Variants in CHST9 observed in about 807,000 individuals in gnomAD.
The protein encoded by CHST9 is carbohydrate sulfotransferase 9.
A neutral mutation model predicts 44.4 loss-of-function variants in CHST9; 41 were observed. The ratio of observed to expected loss-of-function variants is 0.92; its 90% CI spans 0.72 to 1.20. The LOEUF is 1.20. Among genes scored for constraint, CHST9 ranks in the 50% most tolerant of loss-of-function variants. The pLI is 0.00. For synonymous variants in CHST9, 171 were observed against 178.4 expected (o/e 0.96, Z 0.33); for missense variants, 504 against 516.5 (o/e 0.98, Z 0.23).
At chr18:27,054,099 C>T (rs1032166135) in intron 2 of CHST9, among the ~76,000 whole-genome samples, 8 of 152,108 alleles carry the variant, frequency 5.3e-5, no homozygotes, top group African/African-American at 1.2e-4. Flanking sequence ...TGTCTAGCAC[C>T]GTGCCTTAAA....
intron 5 of CHST9, among the ~76,000 whole-genome samples, 162 bp from the exon 6 acceptor site, chr18:26,917,512 G>A (rs1204246185): frequency 6.6e-6 from 1 of 152,164 alleles, no homozygotes; most frequent in East Asian, 1.9e-4. Flanking sequence ...ACATTTTGTA[G>A]TGAGCTTCTT....
chr18:27,121,760 T>C (rs2058376407), intron 2 of CHST9, among the ~76,000 whole-genome samples: 2 of 152,188 alleles, frequency 1.3e-5, no homozygotes, highest in South Asian at 2.1e-4. Flanking sequence ...AAAACATTGT[T>C]GGCCCTCTGG....
rs141684462 is a variant in CHST9 at position 26,955,614 on chromosome 18, G to A, written c.203-11248C>T. 1.6e-4 allele frequency among the ~76,000 whole-genome samples: 24 copies of A among 152,290 alleles called. No individual in the cohort carries two copies. In the East Asian group the frequency reaches 4.5e-3, roughly 28 times the overall value. ...AGAACCCAAGACACAAGCTTGGGGT[G>A]TGTCTGGGGATGACAAGAGAGGCTG... On this transcript the variant is annotated intron_variant, in intron 4 of 5. Coordinates refer to ENST00000618847, the MANE Select transcript of CHST9 (RefSeq NM_031422.6).
chr18:27,099,513 A>C (rs550897501), intron 2 of CHST9, among the ~76,000 whole-genome samples: 1 of 152,186 alleles, frequency 6.6e-6, no homozygotes, highest in East Asian at 1.9e-4. Context: ...AGAACAAAAC[A>C]AACAAAAAAC....
At chr18:27,018,568 G>A (rs1461684888) in intron 4 of CHST9, among the ~76,000 whole-genome samples, 1 of 152,100 alleles carries the variant, frequency 6.6e-6, no homozygotes, top group Non-Finnish European at 1.5e-5. Flanking sequence ...GATAAGGCTG[G>A]CAAACAGTAC....
rs1337703606 is a variant in CHST9, at chr18:27,142,787, A to G, written c.23T>C (p.Met8Thr). 4.3e-6 allele frequency: 7 copies of G among 1,610,624 alleles called. No individual in the cohort carries two copies. The African/African-American group carries it at 8.0e-5, about 18-fold the overall frequency. Residue 8 changes from methionine (M) to threonine (T), a missense_variant, in exon 2 of 6, where the codon ATG becomes ACG. Physicochemically the swap from Met to Thr is moderately conservative, Grantham distance 81. Transcript: ENST00000618847. ...AGAGAGGAAGACTTGTTTGGGGTTC[A>G]TGACCATTTCAGATGGCTGCATTTC... MQPSEMV[M>T]NPKQVFLSVL...
intron 2 of CHST9, among the ~76,000 whole-genome samples, chr18:27,137,189 A>G (rs1471315339): frequency 1.3e-5 from 2 of 151,596 alleles, no homozygotes; most frequent in Non-Finnish European, 2.9e-5. Flanking sequence ...GGAGAGATTG[A>G]TTTATACATA....
chr18:27,008,618 G>A (rs1200060956), intron 4 of CHST9, among the ~76,000 whole-genome samples: 2 of 152,090 alleles, frequency 1.3e-5, no homozygotes, highest in Non-Finnish European at 2.9e-5. Flanking sequence ...ATCCTTAATT[G>A]GAAAAAGGAA....
At chr18:27,055,551 T>A (rs2057644951) in intron 2 of CHST9, among the ~76,000 whole-genome samples, 7 of 152,180 alleles carry the variant, frequency 4.6e-5, no homozygotes, top group Admixed American at 4.6e-4. Flanking sequence ...AGGTCACCAC[T>A]ATTGCCATGT....
At position 26,909,347 on chromosome 18, in the gene CHST9, T is replaced by C. The variant is rs2145028348; in HGVS notation, c.*6912A>G. The C allele has an allele frequency of 6.6e-6, 1 of 152,338 alleles. No individual in the cohort carries two copies. The highest frequency in any genetic ancestry group is 1.9e-4 in the East Asian group (1 of 5,188). The allele number at this position is 152,338 out of a possible 1,614,324, so 9.4% of individuals were successfully genotyped here. A position where few individuals can be genotyped will look rare whatever the true frequency, so the allele number is the denominator to read the frequency against. On this transcript the variant is annotated 3_prime_UTR_variant, in exon 6 of 6. Transcript: ENST00000618847. ...CACGAGAAGTACCCCAAGAGATTAT[T>C]AAAAAGGAAATTTTCAGGTGGTTTT...
chr18:27,164,987 G>C (rs898148054), intron 1 of CHST9, among the ~76,000 whole-genome samples: 1 of 152,144 alleles, frequency 6.6e-6, no homozygotes, highest in African/African-American at 2.4e-5. Context: ...ACAAGGCAAG[G>C]GAGTTAGATG....
chr18:27,134,880 A>T lies in CHST9; in HGVS notation c.121+7809T>A, dbSNP rs189975580. On this transcript the variant is annotated intron_variant, in intron 2 of 5. Transcript: ENST00000618847. ...ATCTAACTAGAAGTATACAAGAAAA[A>T]TGTAAAAAGTTTCTGAGTTCTGGGG... Among the ~76,000 whole-genome samples, 129 of 152,326 alleles carry T rather than the reference A, an allele frequency of 8.5e-4. 2 individuals carry two copies. The East Asian group carries it at 0.024, about 28-fold the overall frequency.
At chr18:26,926,887 A>C (rs1441309503) in intron 5 of CHST9, among the ~76,000 whole-genome samples, 1 of 152,240 alleles carries the variant, frequency 6.6e-6, no homozygotes, top group Non-Finnish European at 1.5e-5. Flanking sequence ...GAAGTAGAAT[A>C]AGTTGGTGTT....
Position 26,909,171 on chromosome 18 carries a change from C to A in CHST9, c.*7088G>T, listed in dbSNP as rs559009247. The A allele has an allele frequency of 3.9e-5, 6 of 152,344 alleles. No individual in the cohort carries two copies. The East Asian group carries it at 1.2e-3, about 29-fold the overall frequency. 9.4% of individuals were successfully genotyped at this position (152,344 alleles called of 1,614,324 possible). On this transcript the variant is annotated 3_prime_UTR_variant, in exon 6 of 6. Coordinates refer to ENST00000618847, the MANE Select transcript of CHST9 (RefSeq NM_031422.6). ...CGGACGCCAAGTTTCTGCTTCAGTG[C>A]TGGTCAAAATCCCACAGAGGACTTT...
chr18:27,114,960 A>C (rs895535105), intron 2 of CHST9, among the ~76,000 whole-genome samples: 2 of 152,122 alleles, frequency 1.3e-5, no homozygotes, highest in Non-Finnish European at 2.9e-5. Flanking sequence ...GATGGAGGTA[A>C]TTGAATCATG....
chr18:27,068,378 T>G (rs2057804451), intron 2 of CHST9, among the ~76,000 whole-genome samples: 1 of 152,194 alleles, frequency 6.6e-6, no homozygotes, highest in Non-Finnish European at 1.5e-5. Context: ...TCTTTTCATT[T>G]TCAGGTTCTT....
intron 1 of CHST9, among the ~76,000 whole-genome samples, chr18:27,169,063 A>G (rs914227803): frequency 7.9e-5 from 12 of 152,212 alleles, no homozygotes; most frequent in Admixed American, 3.3e-4. Context: ...CACAAGTTCA[A>G]GCTTGGAAGA....
chr18:27,110,295 A>AT (rs942361800), intron 2 of CHST9, among the ~76,000 whole-genome samples: 113 of 149,282 alleles, frequency 7.6e-4, no homozygotes, highest in South Asian at 1.7e-3. Context: ...GCATGTGATG[A>AT]TTTTTTTTTT....
Position 26,923,276 on chromosome 18 carries a change from C to T in CHST9, c.241-5926G>A, listed in dbSNP as rs145819352. ...GTCCAGGATACAAAGAAAAGACTGG[C>T]CCAGTTTGAGTGTTAAGTCCTCTGT... On this transcript the variant is annotated intron_variant, in intron 5 of 5. Coordinates refer to ENST00000618847, the MANE Select transcript of CHST9 (RefSeq NM_031422.6). Among the ~76,000 whole-genome samples, 677 of 152,218 alleles carry T rather than the reference C, an allele frequency of 4.4e-3. 6 individuals carry two copies. The highest frequency in any genetic ancestry group is 6.8e-3 in the Middle Eastern group (2 of 294).
Sources: allele counts gnomAD v4.1 joint callset (sites outside exome capture counted in the v4.1 genomes callset), GRCh38; gene constraint gnomAD v4.1.1; transcripts MANE v1.5; gene names NCBI Gene and HGNC (gene_info 2026-07-23, HGNC 2026-07-21).